Variants in OR9Q1 observed in about 807,000 individuals in gnomAD.
The protein encoded by OR9Q1 is olfactory receptor family 9 subfamily Q member 1, also known as olfactory receptor 9Q1.
For missense variants in OR9Q1, 374 were observed against 378.8 expected, an observed-to-expected ratio of 0.99 and a Z score of 0.11; for synonymous variants, 153 against 148.6, an observed-to-expected ratio of 1.03 and a Z score of -0.22.
At chr11:58,037,020 A>G (rs530882563) in intron 1 of OR9Q1, among the ~76,000 whole-genome samples, 1 of 152,350 alleles carries the variant, frequency 6.6e-6, no homozygotes, top group Non-Finnish European at 1.5e-5. Flanking sequence ...TGTGTTACAG[A>G]GAAATTTTTC....
chr11:58,124,679 C>G (rs1029395449), intron 2 of OR9Q1: 1 of 152,084 alleles, frequency 6.6e-6, no homozygotes, highest in Non-Finnish European at 1.5e-5. Flanking sequence ...TTTTATTTTA[C>G]AGATGAGGAA....
At chr11:58,083,569 A>G (rs35401618) in intron 2 of OR9Q1, among the ~76,000 whole-genome samples, 32,309 of 151,694 alleles carry the variant, frequency 0.21, 4,079 homozygotes, top group Middle Eastern at 0.38. Context: ...GTTCTCTTCT[A>G]GATTTTTTTT....
intron 2 of OR9Q1, among the ~76,000 whole-genome samples, chr11:58,142,504 A>G (rs1247755786): frequency 6.6e-6 from 1 of 152,166 alleles, no homozygotes; most frequent in Non-Finnish European, 1.5e-5. Flanking sequence ...CCTATCAAGA[A>G]TTCAGTGGGG....
intron 1 of OR9Q1, among the ~76,000 whole-genome samples, chr11:58,036,438 T>C (rs1378003893): frequency 6.6e-6 from 1 of 152,198 alleles, no homozygotes; most frequent in Non-Finnish European, 1.5e-5. Context: ...CCATAGCCCA[T>C]GGTACAAGTA....
intron 1 of OR9Q1, chr11:58,030,835 T>C (rs947740994): frequency 1.5e-6 from 1 of 687,404 alleles, no homozygotes; most frequent in African/African-American, 1.8e-5. Flanking sequence ...TGTGTTGACA[T>C]CATGTTTCTC....
intron 1 of OR9Q1, among the ~76,000 whole-genome samples, chr11:58,029,540 A>G (rs1853008876): frequency 6.6e-6 from 1 of 152,188 alleles, no homozygotes; most frequent in South Asian, 2.1e-4. Context: ...TAAAACTGGC[A>G]CAAAAATGGA....
At position 58,179,958 on chromosome 11, in the gene OR9Q1, A is replaced by G. The variant is rs1854646612; in HGVS notation, c.514A>G (p.Ser172Gly). 6.2e-7 allele frequency: 1 copy of G among 1,614,182 alleles called. No homozygotes were observed. Residue 172 changes from serine (S) to glycine (G), a missense_variant, in exon 3 of 3, where the codon AGT (serine) becomes GGT (glycine). Coordinates refer to ENST00000335397, the MANE Select transcript of OR9Q1 (RefSeq NM_001005212.4). ...CTTCACTCTCTCCTTCTGTGGAACC[A>G]GTGAGATTGACTTTATTTTCTGTGA... Reference protein sequence around the residue: ...SAFTLSFCGTSEIDFIFCDLP... With the variant: ...SAFTLSFCGTGEIDFIFCDLP...
chr11:58,138,381 A>G (rs1415083367), intron 2 of OR9Q1, among the ~76,000 whole-genome samples: 1 of 152,222 alleles, frequency 6.6e-6, no homozygotes. Context: ...TTGGGAAAGT[A>G]GCTTACCCAC....
At chr11:58,170,348 A>G (rs548708957) in intron 2 of OR9Q1, among the ~76,000 whole-genome samples, 20 of 152,012 alleles carry the variant, frequency 1.3e-4, no homozygotes, top group Non-Finnish European at 2.4e-4. Context: ...AAGGAAGAAA[A>G]CAACTCTTTA....
intron 1 of OR9Q1, among the ~76,000 whole-genome samples, chr11:58,053,640 A>AT (rs1853296341): frequency 1.4e-5 from 2 of 144,378 alleles, no homozygotes; most frequent in Admixed American, 1.4e-4. Context: ...ATATATATAT[A>AT]TATAAATTAT....
intron 1 of OR9Q1, chr11:58,031,806 T>C (rs1358792762): frequency 1.2e-6 from 2 of 1,614,094 alleles, no homozygotes; most frequent in Middle Eastern, 3.3e-4. Flanking sequence ...TACTCTGTTG[T>C]CACGCCCATG....
intron 2 of OR9Q1, among the ~76,000 whole-genome samples, chr11:58,168,602 T>C (rs1054102994): frequency 2.6e-5 from 4 of 152,096 alleles, no homozygotes; most frequent in Non-Finnish European, 5.9e-5. Context: ...TTTTTTTTTT[T>C]CCAATGCCTC....
chr11:58,048,506 A>T (rs1217127378), intron 1 of OR9Q1, among the ~76,000 whole-genome samples: 5 of 150,950 alleles, frequency 3.3e-5, no homozygotes. Context: ...CAAAAAAAAA[A>T]AAAAAAATAG....
At chr11:58,024,749 G>A (rs2866830) in intron 1 of OR9Q1, among the ~76,000 whole-genome samples, 45,698 of 151,968 alleles carry the variant, frequency 0.3, 7,426 homozygotes, top group East Asian at 0.67. Context: ...GAGAGGAAGC[G>A]GATGCTGTTA....
chr11:58,040,725 G>T (rs1359650268), intron 1 of OR9Q1: 2 of 152,314 alleles, frequency 1.3e-5, no homozygotes, highest in Non-Finnish European at 1.5e-5. Context: ...TCCTGGTGGG[G>T]AGTTCAGGAA....
chr11:58,109,473 C>T (rs774960076), intron 2 of OR9Q1: 15 of 463,406 alleles, frequency 3.2e-5, no homozygotes, highest in African/African-American at 6.0e-5. Context: ...CAAGGTGGCT[C>T]AGGAAGAAGT....
At chr11:58,141,179 C>G (rs535925277) in intron 2 of OR9Q1, among the ~76,000 whole-genome samples, 6 of 152,296 alleles carry the variant, frequency 3.9e-5, no homozygotes, top group African/African-American at 1.4e-4. Context: ...GACAATTTGA[C>G]TTCCTCTTTT....
chr11:58,035,176 GCCT>G (rs1853088918), intron 1 of OR9Q1, among the ~76,000 whole-genome samples: 1 of 152,096 alleles, frequency 6.6e-6, no homozygotes, highest in Non-Finnish European at 1.5e-5. Flanking sequence ...TGAGAAGTGA[GCCT>G]TAGGTCAAAT....
chr11:58,177,949 G>A (rs1854621046), intron 2 of OR9Q1, among the ~76,000 whole-genome samples: 1 of 152,168 alleles, frequency 6.6e-6, no homozygotes. Context: ...AGTTGGCTAG[G>A]ACTTGGAGGA....
Sources: allele counts gnomAD v4.1 joint callset (sites outside exome capture counted in the v4.1 genomes callset), GRCh38; gene constraint gnomAD v4.1.1; transcripts MANE v1.5; gene names NCBI Gene and HGNC (gene_info 2026-07-23, HGNC 2026-07-21).